JARID2: variants seen among roughly 807,000 people sequenced by gnomAD.
JARID2 encodes the protein jumonji and AT-rich interaction domain containing 2.
A neutral mutation model predicts 125.6 loss-of-function variants in JARID2; 21 were observed. The ratio of observed to expected loss-of-function variants is 0.17; its 90% CI spans 0.12 to 0.24. JARID2 has a LOEUF of 0.24. Among genes scored for constraint, JARID2 ranks in the 10% least tolerant of loss-of-function variants. JARID2 has a pLI of 1.00. For synonymous variants in JARID2, 736 were observed against 661.6 expected (o/e 1.11, Z -1.73); for missense variants, 1,303 against 1,639.6 (o/e 0.79, Z 3.55).
chr6:15,357,801 A>G (rs535844143), intron 1 of JARID2, among the ~76,000 whole-genome samples: 1 of 152,366 alleles, frequency 6.6e-6, no homozygotes, highest in East Asian at 1.9e-4. Flanking sequence ...TTAGGACGAC[A>G]CTGGCATGCT....
intron 4 of JARID2, among the ~76,000 whole-genome samples, chr6:15,453,148 T>C (rs1447779593): frequency 6.6e-6 from 1 of 152,240 alleles, no homozygotes; most frequent in Non-Finnish European, 1.5e-5. Context: ...TTCACAGTGA[T>C]ACGTGGCCCC....
chr6:15,454,516 G>A (rs771604322), intron 4 of JARID2, among the ~76,000 whole-genome samples: 23 of 152,204 alleles, frequency 1.5e-4, no homozygotes, highest in Non-Finnish European at 2.8e-4. Flanking sequence ...ATAAGAAGTT[G>A]TCCACTTCTG....
chr6:15,426,060 A>G (rs75301385), intron 3 of JARID2, among the ~76,000 whole-genome samples: 4,003 of 152,208 alleles, frequency 0.026, 185 homozygotes, highest in African/African-American at 0.091. Context: ...TTCTGTGAAC[A>G]TGGTAGCTGG....
intron 12 of JARID2, among the ~76,000 whole-genome samples, chr6:15,509,946 T>TTTAATTTAATTTACCA (rs1771194339): frequency 6.6e-6 from 1 of 152,204 alleles, no homozygotes; most frequent in Non-Finnish European, 1.5e-5. Flanking sequence ...AGAAACCCTG[T>TTTAATTTAATTTACCA]ATTTAAATTA....
intron 2 of JARID2, among the ~76,000 whole-genome samples, chr6:15,407,624 T>C (rs1352865293): frequency 2.6e-5 from 4 of 152,198 alleles, no homozygotes; most frequent in African/African-American, 7.2e-5. Context: ...CCAATATAGC[T>C]CTTCTTCCTC....
At chr6:15,455,190 C>G (rs1328897383) in intron 4 of JARID2, among the ~76,000 whole-genome samples, 2 of 92,386 alleles carry the variant, frequency 2.2e-5, no homozygotes, top group African/African-American at 3.5e-5. Context: ...GGCACTTTGT[C>G]TCAAAAAAAA....
At chr6:15,406,250 A>C (rs1308038832) in intron 2 of JARID2, among the ~76,000 whole-genome samples, 1 of 152,202 alleles carries the variant, frequency 6.6e-6, no homozygotes, top group East Asian at 1.9e-4. Context: ...ACTGGCCAAC[A>C]TGGTGAAACC....
At chr6:15,343,605 A>T (rs9383048) in intron 1 of JARID2, among the ~76,000 whole-genome samples, 1 of 152,088 alleles carries the variant, frequency 6.6e-6, no homozygotes, top group African/African-American at 2.4e-5. Context: ...ATTTTGGTGT[A>T]TTTGGAGGGA....
At chr6:15,274,658 G>A (rs138798009) in intron 1 of JARID2, among the ~76,000 whole-genome samples, 150 of 152,226 alleles carry the variant, frequency 9.9e-4, no homozygotes, top group African/African-American at 3.4e-3. Flanking sequence ...GTGTGTGAAG[G>A]GGTGACTTAG....
At chr6:15,448,024 G>A (rs573601381) in intron 3 of JARID2, among the ~76,000 whole-genome samples, 4 of 152,316 alleles carry the variant, frequency 2.6e-5, no homozygotes, top group South Asian at 2.1e-4. Context: ...GTTGTATGGG[G>A]CTCTTAATCC....
At chr6:15,293,853 A>G (rs1761313783) in intron 1 of JARID2, among the ~76,000 whole-genome samples, 1 of 152,234 alleles carries the variant, frequency 6.6e-6, no homozygotes, top group African/African-American at 2.4e-5. Flanking sequence ...TCCTCTGAAC[A>G]CAAAAGGGTT....
At position 15,497,858 on chromosome 6, in the gene JARID2, G is replaced by C. The variant is rs556610555; in HGVS notation, c.1945+688G>C. On this transcript the variant is annotated intron_variant, in intron 7 of 17. Coordinates refer to ENST00000341776, the MANE Select transcript of JARID2 (RefSeq NM_004973.4). ...CAAGGTCTAGGGGCCAGCAGGGTTG[G>C]TTTCTCCCGAAACCAACAAGACCTC... Among the ~76,000 whole-genome samples, 3 of 152,216 alleles carry C rather than the reference G, an allele frequency of 2.0e-5. No individual in the cohort carries two copies. In the East Asian group the frequency reaches 5.8e-4, roughly 29 times the overall value.
At chr6:15,295,937 A>G (rs1761396395) in intron 1 of JARID2, among the ~76,000 whole-genome samples, 1 of 152,208 alleles carries the variant, frequency 6.6e-6, no homozygotes, top group South Asian at 2.1e-4. Context: ...CGGGGATTAC[A>G]GGCCTGAGCC....
intron 1 of JARID2, among the ~76,000 whole-genome samples, chr6:15,301,651 C>G (rs1188038649): frequency 6.6e-6 from 1 of 152,186 alleles, no homozygotes; most frequent in Non-Finnish European, 1.5e-5. Context: ...GGGTAAGTCT[C>G]TTCCTTTTCC....
At chr6:15,469,550 A>G (rs2127680104) in intron 5 of JARID2, among the ~76,000 whole-genome samples, 1 of 150,398 alleles carries the variant, frequency 6.6e-6, no homozygotes, top group South Asian at 2.1e-4. Flanking sequence ...ATCCTGCCTC[A>G]TCCTCCTGAG....
intron 1 of JARID2, among the ~76,000 whole-genome samples, chr6:15,316,284 A>G (rs1762177305): frequency 6.6e-6 from 1 of 151,898 alleles, no homozygotes; most frequent in Admixed American, 6.6e-5. Context: ...TTTAGTAGAG[A>G]CAGGGTTTTT....
chr6:15,283,948 C>T (rs1441763476), intron 1 of JARID2, among the ~76,000 whole-genome samples: 1 of 152,044 alleles, frequency 6.6e-6, no homozygotes, highest in African/African-American at 2.4e-5. Context: ...ACCTCATAAT[C>T]TGCCAGCCTC....
In JARID2 at chr6:15,486,806, C is replaced by CTTTTTTT. The variant is rs56268949; in HGVS notation, c.671-489_671-483dup. ...CATCTCTTTTAAATCTGAGAATAGA[C>CTTTTTTT]TTTTTTTTTTTTTTTTTTGAGACAG... On this transcript the variant is annotated intron_variant, in intron 5 of 17. Coordinates refer to ENST00000341776, the MANE Select transcript of JARID2 (RefSeq NM_004973.4). Among the ~76,000 whole-genome samples the CTTTTTTT allele has an allele frequency of 5.7e-3, 571 of 100,472 alleles. 47 individuals are homozygous for CTTTTTTT. The highest frequency in any genetic ancestry group is 0.019 in the East Asian group (70 of 3,602). 65.9% of individuals were successfully genotyped at this position (100,472 alleles called of 152,430 possible). A position where few individuals can be genotyped will look rare whatever the true frequency, so the allele number is the denominator to read the frequency against.
chr6:15,290,274 C>G (rs1016567368), intron 1 of JARID2, among the ~76,000 whole-genome samples: 5 of 152,120 alleles, frequency 3.3e-5, no homozygotes, highest in Admixed American at 6.6e-5. Flanking sequence ...TATGGACATA[C>G]CACAATTTAT....
Sources: allele counts gnomAD v4.1 joint callset (sites outside exome capture counted in the v4.1 genomes callset), GRCh38; gene constraint gnomAD v4.1.1; transcripts MANE v1.5; gene names NCBI Gene and HGNC (gene_info 2026-07-23, HGNC 2026-07-21).